RAD54B: variants seen among roughly 807,000 people sequenced by gnomAD.
The protein encoded by RAD54B is RAD54 homolog B, also known as DNA repair and recombination protein RAD54B.
Under a neutral mutation model 95.8 loss-of-function variants are expected in RAD54B, and 78 were observed. The ratio of observed to expected loss-of-function variants is 0.81; its 90% CI spans 0.68 to 0.98. The LOEUF (loss-of-function observed/expected upper bound fraction) is 0.98. Among genes scored for constraint, RAD54B ranks in the 50% least tolerant of loss-of-function variants. The pLI is 0.00. For missense variants in RAD54B, 957 were observed against 1,056.6 expected (o/e 0.91, Z 1.31); for synonymous variants, 328 against 354.9 (o/e 0.92, Z 0.85).
At chr8:94,460,026 C>T (rs1279029922) in intron 2 of RAD54B, among the ~76,000 whole-genome samples, 25 of 149,884 alleles carry the variant, frequency 1.7e-4, no homozygotes, top group African/African-American at 4.9e-4. Context: ...GGCGTGGTGG[C>T]GGGTGCCTGT....
At chr8:94,376,791 A>C (rs1411409769) in intron 14 of RAD54B, among the ~76,000 whole-genome samples, 3 of 149,484 alleles carry the variant, frequency 2.0e-5, no homozygotes, top group Non-Finnish European at 3.0e-5. Flanking sequence ...TATATAATTT[A>C]TATGACAAAT....
intron 3 of RAD54B, among the ~76,000 whole-genome samples, chr8:94,457,268 G>C (rs1812799402): frequency 6.6e-6 from 1 of 152,118 alleles, no homozygotes; most frequent in East Asian, 1.9e-4. Flanking sequence ...AGAAGGGAGA[G>C]CAAGTCAGTA....
At chr8:94,422,587 CAAAAAAAAAAAAAAAAAA>C (rs60701725) in intron 3 of RAD54B, among the ~76,000 whole-genome samples, 16 of 14,290 alleles carry the variant, frequency 1.1e-3, no homozygotes, top group East Asian at 5.3e-3. Flanking sequence ...GACTTCGTCT[CAAAAAAAAAAAAAAAAAA>C]AAAAAAAAAA....
chr8:94,377,108 T>G (rs1810595626), intron 14 of RAD54B, among the ~76,000 whole-genome samples: 1 of 152,178 alleles, frequency 6.6e-6, no homozygotes, highest in South Asian at 2.1e-4. Context: ...CATCAAGTAC[T>G]GAGAAGTATG....
In RAD54B at chr8:94,436,419, CTCTA is replaced by C. The variant is rs1812263494; in HGVS notation, c.304+21845_304+21848del. Reference sequence around the variant, plus strand: ...TTGTGGGGATGCTTACTATGCATATCTCTATCACGACTAAGCCAAAGCCCAATAG... The same window carrying C: ...TTGTGGGGATGCTTACTATGCATATCTCACGACTAAGCCAAAGCCCAATAG... On this transcript the variant is annotated intron_variant, in intron 3 of 14. Transcript: ENST00000336148. 2.1e-6 allele frequency: 3 copies of C among 1,438,254 alleles called. No homozygotes were observed. The East Asian group carries it at 7.4e-5, about 36-fold the overall frequency. 89.1% of individuals were successfully genotyped at this position (1,438,254 alleles called of 1,614,324 possible). A position where few individuals can be genotyped will look rare whatever the true frequency, so the allele number is the denominator to read the frequency against.
chr8:94,466,594 G>T (rs1280404155), intron 2 of RAD54B, among the ~76,000 whole-genome samples: 1 of 152,026 alleles, frequency 6.6e-6, no homozygotes, highest in Non-Finnish European at 1.5e-5. Flanking sequence ...TTTTAGTAGA[G>T]ACGGAGTTTC....
In RAD54B at chr8:94,411,269, CTCT is replaced by C. The variant is rs754028501; in HGVS notation, c.348_350del (p.Glu117del). On this transcript the variant is annotated inframe_deletion, in exon 4 of 15. Coordinates refer to ENST00000336148, the MANE Select transcript of RAD54B (RefSeq NM_012415.3). Reference sequence around the variant, plus strand: ...AATATTTAACTAGGCTATCAGATTTCTCTTCTTGTTCCTTGGACACTGCTACTT... The same window carrying C: ...AATATTTAACTAGGCTATCAGATTTCTCTTGTTCCTTGGACACTGCTACTT... 54 of 1,607,324 alleles carry C rather than the reference CTCT, an allele frequency of 3.4e-5. No individual in the cohort carries two copies. The highest frequency in any genetic ancestry group is 1.7e-4 in the Admixed American group (10 of 58,150).
chr8:94,392,520 C>A (rs1412259194), intron 9 of RAD54B, among the ~76,000 whole-genome samples: 1 of 152,172 alleles, frequency 6.6e-6, no homozygotes, highest in East Asian at 1.9e-4. Context: ...CCTCAGCCTC[C>A]CAAAGTGCTG....
intron 3 of RAD54B, chr8:94,436,568 T>G (rs1206176561): frequency 6.4e-7 from 1 of 1,550,398 alleles, no homozygotes; most frequent in African/African-American, 1.4e-5. Flanking sequence ...ACTTTCTTGG[T>G]TGGCTCAGAA....
At chr8:94,376,365 A>G (rs1427781752) in intron 14 of RAD54B, among the ~76,000 whole-genome samples, 1 of 152,140 alleles carries the variant, frequency 6.6e-6, no homozygotes, top group Non-Finnish European at 1.5e-5. Flanking sequence ...GAAAGACTGT[A>G]TATCAAAATT....
chr8:94,400,495 C>G (rs779775619), intron 6 of RAD54B, 32 bp from the exon 7 acceptor site: 9 of 1,517,710 alleles, frequency 5.9e-6, no homozygotes, highest in South Asian at 3.7e-5. Flanking sequence ...CCTTTAATCA[C>G]AATAGAAAAA....
At chr8:94,409,012 T>A (rs79042238) in intron 4 of RAD54B, among the ~76,000 whole-genome samples, 1 of 151,976 alleles carries the variant, frequency 6.6e-6, no homozygotes, top group South Asian at 2.1e-4. Context: ...TTTTTTTTTT[T>A]CCTAGGTATT....
At chr8:94,467,261 T>C in intron 2 of RAD54B, 144 bp downstream of exon 2, 2 of 740,842 alleles carry the variant, frequency 2.7e-6, no homozygotes, top group Non-Finnish European at 4.1e-6. Flanking sequence ...TATGTAATCT[T>C]CATTTCCAAG....
intron 3 of RAD54B, chr8:94,427,681 G>T: frequency 1.0e-6 from 1 of 977,512 alleles, no homozygotes; most frequent in Non-Finnish European, 1.2e-6. Context: ...TGAATTATTT[G>T]TCTTAACGGC....
chr8:94,407,815 T>C (rs777775513), intron 4 of RAD54B, 95 bp from the exon 5 acceptor site: 118 of 969,832 alleles, frequency 1.2e-4, no homozygotes, highest in Non-Finnish European at 1.6e-4. Context: ...TGAATGTAAA[T>C]AGTCTTATAT....
At chr8:94,395,345 G>A (rs1383297922) in intron 8 of RAD54B, among the ~76,000 whole-genome samples, 1 of 152,084 alleles carries the variant, frequency 6.6e-6, no homozygotes, top group Non-Finnish European at 1.5e-5. Context: ...AGCAAGAATG[G>A]CCTCAGCTAT....
In RAD54B at chr8:94,401,376, G is replaced by T. The variant is rs139988488; in HGVS notation, c.945-913C>A. On this transcript the variant is annotated intron_variant, in intron 6 of 14. Transcript: ENST00000336148. ...TCCTCAGCCTACTCAACATGATAAG[G>T]ATGAAGAGCTTTATGATGATCCATT... Among the ~76,000 whole-genome samples, 963 of 152,114 alleles carry T rather than the reference G, an allele frequency of 6.3e-3. 7 individuals are homozygous for T. The highest frequency in any genetic ancestry group is 0.021 in the African/African-American group (888 of 41,492).
At chr8:94,430,449 T>A (rs1486516906) in intron 3 of RAD54B, 4 of 984,924 alleles carry the variant, frequency 4.1e-6, no homozygotes, top group Non-Finnish European at 4.8e-6. Flanking sequence ...CAAGCGAGGT[T>A]CCAAAATACT....
At chr8:94,379,802 T>A (rs1180687484) in intron 12 of RAD54B, among the ~76,000 whole-genome samples, 1 of 152,246 alleles carries the variant, frequency 6.6e-6, no homozygotes, top group Admixed American at 6.5e-5. Flanking sequence ...GTAACTTTAT[T>A]GTCTTCACCT....
Sources: allele counts gnomAD v4.1 joint callset (sites outside exome capture counted in the v4.1 genomes callset), GRCh38; gene constraint gnomAD v4.1.1; transcripts MANE v1.5; gene names NCBI Gene and HGNC (gene_info 2026-07-23, HGNC 2026-07-21).